The following CHD8 variants were observed in gnomAD, a reference collection of about 807,000 sequenced individuals.
CHD8 encodes ATP-dependent chromatin remodeler CHD8.
Under a neutral mutation model 279.2 loss-of-function variants are expected in CHD8, and 31 were observed. The observed-to-expected ratio is 0.11, with a 90% CI of 0.08 to 0.15. The LOEUF (loss-of-function observed/expected upper bound fraction) is 0.15, where lower values mean the gene tolerates loss of function less well. Among genes scored for constraint, CHD8 ranks in the 10% least tolerant of loss-of-function variants. The probability of loss-of-function intolerance (pLI) is 1.00; values close to 1 mark genes in which losing one functional copy is unlikely to be tolerated. For synonymous variants in CHD8, 1,081 were observed against 1,139.6 expected (o/e 0.95, Z 1.04); for missense variants, 2,146 against 3,230.5 (o/e 0.66, Z 8.14).
In CHD8 at chr14:21,431,875, A is replaced by T; in HGVS notation, c.-215-17T>A. 6.4e-7 allele frequency: 1 copy of T among 1,574,308 alleles called. No individual in the cohort carries two copies. The highest frequency in any genetic ancestry group is 8.7e-7 in the Non-Finnish European group (1 of 1,143,812). ...GTGGAACTCCTGTTGTAGGAATACA[A>T]ATACAAATGAAAAATAGGCAAAGTT... is the stretch of plus-strand genomic sequence containing the variant. On this transcript the variant is annotated splice_polypyrimidine_tract_variant and intron_variant, in intron 1 of 37. Transcript: ENST00000646647.
chr14:21,433,738 C>T (rs1403828524), intron 1 of CHD8, among the ~76,000 whole-genome samples: 2 of 152,174 alleles, frequency 1.3e-5, no homozygotes, highest in Non-Finnish European at 2.9e-5. Flanking sequence ...CTTTTCATAT[C>T]TCAACCCAAG....
chr14:21,393,673 T>G lies in CHD8; in HGVS notation c.6122A>C (p.Tyr2041Ser). 3 of 1,613,970 alleles carry G rather than the reference T, an allele frequency of 1.9e-6. No individual in the cohort carries two copies. Among genetic ancestry groups the G allele is most frequent in the Non-Finnish European group, 2.5e-6 (3 of 1,179,874 alleles). ...ATCAGAGGGGGATACTCGCATCTCA[T>G]AGTCTTGTGGGGTTGGTCGGCTCCT... ...VARSRPTPQDYEMRVSPSDTT... is the reference protein window; with the variant it reads ...VARSRPTPQDSEMRVSPSDTT... Residue 2041 changes from tyrosine (Y) to serine (S), a missense_variant, in exon 32 of 38, where the codon TAT (tyrosine) becomes TCT (serine). Transcript: ENST00000646647.
rs1327822903 is a variant in CHD8 at position 21,415,905 on chromosome 14, C to T, written c.1719G>A (p.Lys573=). The T allele has an allele frequency of 6.2e-7, 1 of 1,611,552 alleles. No homozygotes were observed. The highest frequency in any genetic ancestry group is 8.5e-7 in the Non-Finnish European group (1 of 1,179,164). The change falls in exon 6 of 38, where the codon AAG becomes AAA. Residue 573 remains lysine, a splice_region_variant and synonymous_variant. Coordinates refer to ENST00000646647, the MANE Select transcript of CHD8 (RefSeq NM_001170629.2). The part of the protein sequence containing the change: ...PREDEESSIQ[K]RRSNRQVKRK... ...GCTTAACTTGGCGGTTTGAGCGTCT[C>T]TTCTGTAGAGCAAAAAGTAGTTAGA...
chr14:21,390,183 C>G (rs1476971190), intron 37 of CHD8, among the ~76,000 whole-genome samples: 1 of 152,156 alleles, frequency 6.6e-6, no homozygotes, highest in African/African-American at 2.4e-5. Flanking sequence ...TTGCAGTGAG[C>G]TGAGATGGTG....
intron 1 of CHD8, among the ~76,000 whole-genome samples, chr14:21,452,361 G>A (rs1368559158): frequency 6.6e-6 from 1 of 151,966 alleles, no homozygotes. Context: ...GAAAACTTCA[G>A]GCCTGGTGTG....
Position 21,428,102 on chromosome 14 carries a change from C to T in CHD8, c.1368G>A (p.Lys456=). The change falls in exon 4 of 38, where the codon AAG becomes AAA. Residue 456 remains lysine, a synonymous_variant. Transcript: ENST00000646647. The stretch of plus-strand genomic sequence containing the variant: ...CAATCCGATTTGCTTTCTCTTGCTT[C>T]TTCTGGTGTTCCAATCTGCGGTTTT... The part of the protein sequence containing the change: ...MEENRRLEHQ[K]KQEKANRIVA... 6.2e-7 allele frequency: 1 copy of T among 1,614,026 alleles called. No individual in the cohort carries two copies. Among genetic ancestry groups the T allele is most frequent in the Non-Finnish European group, 8.5e-7 (1 of 1,179,906 alleles).
At chr14:21,450,990 A>G (rs948284694) in intron 1 of CHD8, among the ~76,000 whole-genome samples, 1 of 152,240 alleles carries the variant, frequency 6.6e-6, no homozygotes, top group African/African-American at 2.4e-5. Context: ...AAATGAAATA[A>G]ACAACAAATA....
At chr14:21,424,763 G>A (rs973564618) in intron 5 of CHD8, among the ~76,000 whole-genome samples, 9 of 152,110 alleles carry the variant, frequency 5.9e-5, no homozygotes, top group Admixed American at 1.3e-4. Flanking sequence ...GAGCTACCGC[G>A]CCTGGCCCAG....
At chr14:21,396,630 G>T (rs981053352) in intron 27 of CHD8, 3 of 151,984 alleles carry the variant, frequency 2.0e-5, no homozygotes, top group African/African-American at 7.3e-5. Flanking sequence ...CTGGAGTGCA[G>T]CAGTGCCATC....
Position 21,399,621 on chromosome 14 carries a change from G to C in CHD8, c.4902C>G (p.Leu1634=). ...ACGTACCATGTTTAAAGACTCCAAT[G>C]AGCAGCGACTTGTCAGCCTCACTGT... ...WWDSEADKSL[L]IGVFKHGYEK... is the part of the protein sequence containing the mutation. The change falls in exon 26 of 38, where the codon CTC becomes CTG. Residue 1634 remains leucine, a synonymous_variant. Transcript: ENST00000646647. 1.9e-6 allele frequency: 3 copies of C among 1,613,094 alleles called. No homozygotes were observed. The highest frequency in any genetic ancestry group is 1.7e-4 in the Middle Eastern group (1 of 6,058).
In CHD8 at chr14:21,431,145, T is replaced by G; in HGVS notation, c.499A>C (p.Ser167Arg). ...PKIVILKAPP[S>R]SSVTGAHVAQ... ...ACATGGGCACCAGTGACTGAGGAGC[T>G]TGGTGGGGCCTTAAGGATAACAATC... The change falls in exon 2 of 38, where the codon AGC (serine) becomes CGC (arginine). Residue 167 changes from serine to arginine, a missense_variant. By Grantham distance (110) the Ser-to-Arg change is moderately radical (BLOSUM62 -1). This residue lies in a region of CHD8 where 302 missense variants were observed against 325.5 expected (regional missense o/e 0.93). Transcript: ENST00000646647. The G allele has an allele frequency of 6.3e-7, 1 of 1,599,050 alleles. No homozygotes were observed. The highest frequency in any genetic ancestry group is 1.1e-5 in the South Asian group (1 of 90,990).
rs1039614597 is a variant in CHD8 at position 21,400,842 on chromosome 14, T to A, written c.4370+33A>T. On this transcript the variant is annotated intron_variant, in intron 22 of 37. Coordinates refer to ENST00000646647, the MANE Select transcript of CHD8 (RefSeq NM_001170629.2). This position sits in a 1 kb window ranked among gnomAD's most constrained non-coding sequence, Gnocchi z 4.2. ...TATCTATCAGGATGGAGATGCACTA[T>A]GCACTACCTCTAATGGTAAGTTGGG... is the stretch of plus-strand genomic sequence containing the variant. 6.4e-7 allele frequency: 1 copy of A among 1,562,830 alleles called. No homozygotes were observed. The highest frequency in any genetic ancestry group is 1.2e-5 in the South Asian group (1 of 82,672).
chr14:21,394,605 CAAAA>C (rs3068337), intron 30 of CHD8, 120 bp from the exon 31 acceptor site: 690 of 108,576 alleles, frequency 6.4e-3, no homozygotes, highest in East Asian at 0.013. Flanking sequence ...AAAGTAGACG[CAAAA>C]AAAAAAAAAA....
chr14:21,451,885 T>G (rs1207140962), intron 1 of CHD8, among the ~76,000 whole-genome samples: 1 of 152,202 alleles, frequency 6.6e-6, no homozygotes, highest in Non-Finnish European at 1.5e-5. Flanking sequence ...ACTTTGTAGT[T>G]TAAACGTAAA....
chr14:21,408,262 C>T lies in CHD8; in HGVS notation c.2730+50G>A. On this transcript the variant is annotated intron_variant, in intron 13 of 37. Coordinates refer to ENST00000646647, the MANE Select transcript of CHD8 (RefSeq NM_001170629.2). This position sits in a 1 kb window ranked among gnomAD's most constrained non-coding sequence, Gnocchi z 4.3. ...TATATAGCCCTTAAAATACCAGGTA[C>T]CTTGGCCGACTTTCTCTAACTCATA... The T allele has an allele frequency of 3.8e-6, 6 of 1,587,226 alleles. No homozygotes were observed. Among genetic ancestry groups the T allele is most frequent in the Non-Finnish European group, 4.3e-6 (5 of 1,167,170 alleles).
chr14:21,391,816 C>T lies in CHD8; in HGVS notation c.6885+17G>A. 6.3e-7 allele frequency: 1 copy of T among 1,586,284 alleles called. No individual in the cohort carries two copies. Among genetic ancestry groups the T allele is most frequent in the African/African-American group, 1.3e-5 (1 of 74,514 alleles). On this transcript the variant is annotated intron_variant, in intron 35 of 37. Coordinates refer to ENST00000646647, the MANE Select transcript of CHD8 (RefSeq NM_001170629.2). ...GACAATCTAATCGTCAGGTTAAAGA[C>T]TTTCTCTACCACTCACCTCTACTAG...
In CHD8 at chr14:21,408,603, TA is replaced by T. The variant is rs145389674; in HGVS notation, c.2487-49del. On this transcript the variant is annotated intron_variant, in intron 12 of 37. Coordinates refer to ENST00000646647, the MANE Select transcript of CHD8 (RefSeq NM_001170629.2). The surrounding 1 kb of genome is among the most constrained non-coding windows in gnomAD (Gnocchi z 4.3). The stretch of plus-strand genomic sequence containing the variant: ...AAAAAATGTTAAAAGATACTATCTT[TA>T]AAAAAAATAGAGTATGTAGGAAGAA... 10 of 1,567,430 alleles carry T rather than the reference TA, an allele frequency of 6.4e-6. No homozygotes were observed. The highest frequency in any genetic ancestry group is 4.7e-5 in the South Asian group (4 of 84,952).
chr14:21,439,059 G>A (rs544623704), intron 1 of CHD8, among the ~76,000 whole-genome samples: 5 of 150,346 alleles, frequency 3.3e-5, no homozygotes, highest in Non-Finnish European at 7.4e-5. Flanking sequence ...CCCAGCAGGT[G>A]GAGGGTGCAG....
intron 1 of CHD8, chr14:21,437,001 T>C (rs1472688510): frequency 7.9e-7 from 1 of 1,268,250 alleles, no homozygotes; most frequent in Non-Finnish European, 1.0e-6. Context: ...GTACATGCAC[T>C]TGAGGTAAGG....
Sources: gnomAD v4.1 joint callset for allele counts (sites outside exome capture counted in the v4.1 genomes callset) on GRCh38, gnomAD v4.1.1 for gene constraint, gnomAD v4.1.1 regional missense constraint, Gnocchi (gnomAD v3.1) non-coding constraint, MANE v1.5 for transcripts, NCBI Gene and HGNC (gene_info 2026-07-23, HGNC 2026-07-21) for gene names.